Variants in TRPS1 observed in about 807,000 individuals in gnomAD.
TRPS1 encodes the protein zinc finger transcription factor Trps1.
TRPS1 carries 6 observed loss-of-function variants against 101.2 expected under a neutral mutation model. The observed-to-expected ratio is 0.06, with a 90% CI of 0.03 to 0.12. TRPS1 has a LOEUF of 0.12. Among genes scored for constraint, TRPS1 ranks in the 10% least tolerant of loss-of-function variants. TRPS1 has a pLI of 1.00. For synonymous variants in TRPS1, 578 were observed against 589.8 expected (o/e 0.98, Z 0.29); for missense variants, 1,363 against 1,567.0 (o/e 0.87, Z 2.20).
chr8:115,470,806 G>A (rs1476613597), intron 5 of TRPS1, among the ~76,000 whole-genome samples: 1 of 152,128 alleles, frequency 6.6e-6, no homozygotes, highest in Non-Finnish European at 1.5e-5. Context: ...AAAAACATTA[G>A]TTTTTACTAC....
intron 3 of TRPS1, among the ~76,000 whole-genome samples, chr8:115,607,388 G>A (rs867708839): frequency 6.6e-6 from 1 of 150,866 alleles, no homozygotes; most frequent in South Asian, 2.1e-4. Context: ...TAAAAAACGA[G>A]TTAGGTCTTT....
intron 5 of TRPS1, among the ~76,000 whole-genome samples, chr8:115,536,772 C>T (rs915408252): frequency 1.3e-5 from 2 of 151,038 alleles, no homozygotes; most frequent in Non-Finnish European, 2.9e-5. Flanking sequence ...TGAGTACTTA[C>T]TAAATATAGC....
At chr8:115,603,058 A>G (rs547591851) in intron 4 of TRPS1, among the ~76,000 whole-genome samples, 58 of 152,230 alleles carry the variant, frequency 3.8e-4, no homozygotes, top group African/African-American at 1.4e-3. Flanking sequence ...GGCACTGACT[A>G]TGTCTTCTCT....
At chr8:115,421,992 A>G (rs1008221166) in intron 5 of TRPS1, among the ~76,000 whole-genome samples, 1 of 152,236 alleles carries the variant, frequency 6.6e-6, no homozygotes, top group Non-Finnish European at 1.5e-5. Flanking sequence ...AAAGAAAAGC[A>G]CTAACGATCT....
chr8:115,619,636 G>A lies in TRPS1; in HGVS notation c.462C>T (p.Cys154=), dbSNP rs1419381053. 6.2e-7 allele frequency: 1 copy of A among 1,614,174 alleles called. No homozygotes were observed. Among genetic ancestry groups the A allele is most frequent in the Middle Eastern group, 1.6e-4 (1 of 6,062 alleles). The change falls in exon 3 of 7, where the codon TGC becomes TGT. Residue 154 remains cysteine (C), a synonymous_variant. Coordinates refer to ENST00000395715, the MANE Select transcript of TRPS1 (RefSeq NM_014112.5). ...TCTCCAGTGAGTCCCCTGAGGGGGT[G>A]CAGGCCATATCTTGAGGGTCATCTG... The part of the protein sequence containing the change: ...AEADDPQDMA[C]TPSGDSLETK...
At chr8:115,576,486 C>T (rs938235402) in intron 5 of TRPS1, among the ~76,000 whole-genome samples, 3 of 152,062 alleles carry the variant, frequency 2.0e-5, no homozygotes, top group African/African-American at 7.2e-5. Context: ...AAACTGCATA[C>T]TTCAAACTAT....
intron 5 of TRPS1, among the ~76,000 whole-genome samples, chr8:115,442,584 T>A (rs934308389): frequency 1.3e-5 from 2 of 151,920 alleles, no homozygotes; most frequent in Non-Finnish European, 2.9e-5. Context: ...TGTGTGTATG[T>A]GTGTGTGCAT....
intron 5 of TRPS1, among the ~76,000 whole-genome samples, chr8:115,573,047 C>G (rs914363555): frequency 1.3e-5 from 2 of 151,946 alleles, no homozygotes; most frequent in Admixed American, 1.3e-4. Context: ...TCGCTTGAAC[C>G]CAGGAGGTGG....
At chr8:115,538,343 G>T (rs1816370606) in intron 5 of TRPS1, among the ~76,000 whole-genome samples, 1 of 152,094 alleles carries the variant, frequency 6.6e-6, no homozygotes, top group South Asian at 2.1e-4. Flanking sequence ...GTATATTATT[G>T]CATAGTTAAG....
chr8:115,629,322 T>C (rs1185517060), intron 1 of TRPS1, among the ~76,000 whole-genome samples: 3 of 151,950 alleles, frequency 2.0e-5, no homozygotes, highest in African/African-American at 4.8e-5. Context: ...TCATTAAAGA[T>C]TTAGAATCAG....
chr8:115,530,242 T>A (rs1027416917), intron 5 of TRPS1, among the ~76,000 whole-genome samples: 4 of 152,156 alleles, frequency 2.6e-5, no homozygotes, highest in Non-Finnish European at 5.9e-5. Flanking sequence ...TGTTTTCAGA[T>A]ATTCTATAAA....
intron 5 of TRPS1, among the ~76,000 whole-genome samples, chr8:115,462,518 T>C (rs1041028802): frequency 1.2e-4 from 18 of 152,128 alleles, no homozygotes; most frequent in African/African-American, 4.3e-4. Flanking sequence ...GTAAGATGCT[T>C]AGAGGACATC....
intron 1 of TRPS1, among the ~76,000 whole-genome samples, chr8:115,646,458 C>T (rs1176041315): frequency 6.6e-6 from 1 of 152,098 alleles, no homozygotes; most frequent in South Asian, 2.1e-4. Flanking sequence ...TTGTACATAT[C>T]TGGAGAACAA....
At chr8:115,599,656 T>C (rs1364254003) in intron 4 of TRPS1, among the ~76,000 whole-genome samples, 1 of 152,180 alleles carries the variant, frequency 6.6e-6, no homozygotes, top group Non-Finnish European at 1.5e-5. Flanking sequence ...TCCATGTCCC[T>C]GCAAAGGACA....
chr8:115,651,985 T>A (rs375839156), intron 1 of TRPS1, among the ~76,000 whole-genome samples: 185 of 152,242 alleles, frequency 1.2e-3, no homozygotes, highest in Non-Finnish European at 2.2e-3. Context: ...GCCACTGATA[T>A]GGGAACTCAG....
intron 1 of TRPS1, chr8:115,667,989 CGCCCGGTAGGAGAGAATTAAAATCA>C: frequency 7.9e-7 from 1 of 1,263,928 alleles, no homozygotes; most frequent in African/African-American, 1.5e-5. Flanking sequence ...TCCTCCGCTG[CGCCCGGTAGGAGAGAATTAAAATCA>C]GCCAGAAAGA....
intron 5 of TRPS1, among the ~76,000 whole-genome samples, chr8:115,461,177 G>A (rs1256538334): frequency 1.3e-5 from 2 of 152,048 alleles, no homozygotes; most frequent in Non-Finnish European, 2.9e-5. Flanking sequence ...AACTCTCTGT[G>A]TACCAGGCAC....
intron 5 of TRPS1, among the ~76,000 whole-genome samples, chr8:115,475,552 T>G (rs868464638): frequency 6.2e-4 from 94 of 152,194 alleles, no homozygotes; most frequent in African/African-American, 2.1e-3. Context: ...ATACAATTTT[T>G]TTAAAGAAAT....
At chr8:115,494,795 T>C (rs995108800) in intron 5 of TRPS1, among the ~76,000 whole-genome samples, 1 of 152,212 alleles carries the variant, frequency 6.6e-6, no homozygotes, top group African/African-American at 2.4e-5. Context: ...CCAATTCTGA[T>C]ACAGTTCGAT....
Sources: gnomAD v4.1 joint callset for allele counts (sites outside exome capture counted in the v4.1 genomes callset) on GRCh38, gnomAD v4.1.1 for gene constraint, MANE v1.5 for transcripts, NCBI Gene and HGNC (gene_info 2026-07-23, HGNC 2026-07-21) for gene names.